The following NKAIN3 variants were observed in gnomAD, a reference collection of about 807,000 sequenced individuals.
NKAIN3 encodes the protein sodium/potassium-transporting ATPase subunit beta-1-interacting protein 3.
A neutral mutation model predicts 30.2 loss-of-function variants in NKAIN3; 25 were observed. The ratio of observed to expected loss-of-function variants is 0.83; its 90% CI spans 0.60 to 1.16. NKAIN3 has a LOEUF of 1.16. Ranked by LOEUF, NKAIN3 falls within the 50% of genes most tolerant of loss-of-function variation. NKAIN3 has a pLI of 0.00. For synonymous variants in NKAIN3, 91 were observed against 89.6 expected (o/e 1.02, Z -0.09); for missense variants, 225 against 254.1 (o/e 0.89, Z 0.78).
At chr8:62,340,393 G>A (rs1329659781) in intron 1 of NKAIN3, among the ~76,000 whole-genome samples, 1 of 151,930 alleles carries the variant, frequency 6.6e-6, no homozygotes, top group African/African-American at 2.4e-5. Context: ...CTTGCTTTGG[G>A]GGAGAGGAGT....
At chr8:62,989,721 G>GTA (rs1824280013), downstream of NKAIN3, among the ~76,000 whole-genome samples, 1 of 152,146 alleles carries the variant, frequency 6.6e-6, no homozygotes, top group Non-Finnish European at 1.5e-5. Context: ...AGAAAAATAT[G>GTA]TATATATATA....
In NKAIN3 at chr8:62,724,122, G is replaced by C. The variant is rs192820330; in HGVS notation, c.274-22810G>C. On this transcript the variant is annotated intron_variant, in intron 3 of 6. Transcript: ENST00000623646. ...CAAGCTAACTGAAGGAATGAAATTA[G>C]GTTGTTTTTAAGCACGGTTCATTTC... Among the ~76,000 whole-genome samples, 289 of 152,104 alleles carry C rather than the reference G, an allele frequency of 1.9e-3. 2 individuals are homozygous for C. The highest frequency in any genetic ancestry group is 2.0e-3 in the Non-Finnish European group (136 of 67,930).
chr8:62,878,487 T>C (rs1451328242), intron 4 of NKAIN3, among the ~76,000 whole-genome samples: 1 of 152,024 alleles, frequency 6.6e-6, no homozygotes, highest in Non-Finnish European at 1.5e-5. Context: ...GATTTACTGT[T>C]GTTGTGTTCT....
chr8:62,791,140 C>T (rs895374886), intron 4 of NKAIN3, among the ~76,000 whole-genome samples: 6 of 151,918 alleles, frequency 3.9e-5, no homozygotes, highest in Admixed American at 1.3e-4. Context: ...ACAAAGGCAA[C>T]CTAGATTCAA....
intron 3 of NKAIN3, among the ~76,000 whole-genome samples, chr8:62,742,523 G>A (rs1815937099): frequency 6.6e-6 from 1 of 152,056 alleles, no homozygotes; most frequent in South Asian, 2.1e-4. Context: ...AACATTTTGG[G>A]GTGGCATATT....
At chr8:62,507,166 A>G (rs1175792489) in intron 1 of NKAIN3, among the ~76,000 whole-genome samples, 3 of 152,152 alleles carry the variant, frequency 2.0e-5, no homozygotes, top group Non-Finnish European at 4.4e-5. Context: ...TTTTTATTAT[A>G]TGTCTGTCAG....
chr8:62,668,168 C>T (rs1370139949), intron 3 of NKAIN3, among the ~76,000 whole-genome samples: 1 of 151,922 alleles, frequency 6.6e-6, no homozygotes. Flanking sequence ...TGGTGTACTT[C>T]ATTGTTTTTC....
chr8:62,859,921 T>C (rs2130786431), intron 4 of NKAIN3, among the ~76,000 whole-genome samples: 1 of 152,336 alleles, frequency 6.6e-6, no homozygotes, highest in Non-Finnish European at 1.5e-5. Context: ...TTTGCTCTCT[T>C]AGTGCTTTGT....
chr8:62,623,114 G>C (rs1811671035), intron 3 of NKAIN3, among the ~76,000 whole-genome samples: 1 of 151,952 alleles, frequency 6.6e-6, no homozygotes, highest in Admixed American at 6.6e-5. Context: ...ATAAACTACA[G>C]TCCATTTGAA....
chr8:62,299,393 C>T (rs1813961578), intron 1 of NKAIN3, among the ~76,000 whole-genome samples: 1 of 151,934 alleles, frequency 6.6e-6, no homozygotes, highest in Non-Finnish European at 1.5e-5. Flanking sequence ...TTGAGTGGCC[C>T]ATGTCAGAAA....
intron 4 of NKAIN3, among the ~76,000 whole-genome samples, chr8:62,904,171 T>G (rs999729268): frequency 6.6e-6 from 1 of 152,178 alleles, no homozygotes; most frequent in Non-Finnish European, 1.5e-5. Flanking sequence ...CAAGAGGGTA[T>G]GCTGAATTCA....
At chr8:62,628,377 TAGCGAATTTTGCAC>T (rs932313593) in intron 3 of NKAIN3, among the ~76,000 whole-genome samples, 4 of 152,176 alleles carry the variant, frequency 2.6e-5, no homozygotes, top group African/African-American at 7.2e-5. Flanking sequence ...GTGGTTTGCA[TAGCGAATTTTGCAC>T]AGCGAATTTT....
chr8:62,609,894 G>A (rs945527318), intron 3 of NKAIN3, among the ~76,000 whole-genome samples: 2 of 152,120 alleles, frequency 1.3e-5, no homozygotes, highest in South Asian at 2.1e-4. Context: ...CTACAGGAAC[G>A]TCGTGTAGGT....
At position 62,623,280 on chromosome 8, in the gene NKAIN3, A is replaced by G. The variant is rs116639637; in HGVS notation, c.273+33486A>G. 4.8e-3 allele frequency among the ~76,000 whole-genome samples: 724 copies of G among 152,186 alleles called. 6 individuals are homozygous for G. Among genetic ancestry groups the G allele is most frequent in the African/African-American group, 0.017 (692 of 41,550 alleles). ...TTGACCAACCAAGGAAAGATACTAT[A>G]AACAACCTAAGATCAGGAAACCCTT... On this transcript the variant is annotated intron_variant, in intron 3 of 6. Transcript: ENST00000623646.
intron 3 of NKAIN3, among the ~76,000 whole-genome samples, chr8:62,732,679 C>T (rs572887739): frequency 3.2e-4 from 48 of 152,058 alleles, no homozygotes; most frequent in African/African-American, 1.2e-3. Context: ...ATTTTTGTTT[C>T]CTATGTATTG....
At chr8:62,401,416 C>T (rs140060843) in intron 1 of NKAIN3, among the ~76,000 whole-genome samples, 174 of 152,218 alleles carry the variant, frequency 1.1e-3, no homozygotes, top group African/African-American at 4.1e-3. Context: ...TCTCTCTCTC[C>T]ATAATGTTTC....
At chr8:62,814,451 C>A (rs576832337) in intron 4 of NKAIN3, among the ~76,000 whole-genome samples, 5 of 151,936 alleles carry the variant, frequency 3.3e-5, no homozygotes, top group Non-Finnish European at 7.4e-5. Context: ...CCATGCCACA[C>A]CTATTCCAAA....
chr8:62,551,729 A>G (rs926549116), intron 1 of NKAIN3, among the ~76,000 whole-genome samples: 2 of 152,234 alleles, frequency 1.3e-5, no homozygotes, highest in Admixed American at 1.3e-4. Flanking sequence ...TGGTAGTTTT[A>G]GCAAAAGAAT....
At chr8:62,454,545 T>C (rs1805755473) in intron 1 of NKAIN3, among the ~76,000 whole-genome samples, 1 of 152,110 alleles carries the variant, frequency 6.6e-6, no homozygotes, top group Non-Finnish European at 1.5e-5. Flanking sequence ...AATTGAACTG[T>C]CATTCATGCC....
Sources: gnomAD v4.1 joint callset for allele counts (sites outside exome capture counted in the v4.1 genomes callset) on GRCh38, gnomAD v4.1.1 for gene constraint, MANE v1.5 for transcripts, NCBI Gene and HGNC (gene_info 2026-07-23, HGNC 2026-07-21) for gene names.